PPP2R3B: variants seen among roughly 807,000 people sequenced by gnomAD.
PPP2R3B encodes the protein protein phosphatase 2 regulatory subunit B''beta, also known as serine/threonine-protein phosphatase 2A regulatory subunit B'' subunit beta.
Under a neutral mutation model 72.9 loss-of-function variants are expected in PPP2R3B, and 68 were observed. That is an observed-to-expected ratio of 0.93 (90% confidence interval 0.77 to 1.14). The LOEUF (loss-of-function observed/expected upper bound fraction) is 1.14, where lower values mean the gene tolerates loss of function less well. PPP2R3B is among the 50% of genes most tolerant of loss of function. PPP2R3B has a pLI of 0.00. For synonymous variants in PPP2R3B, 466 were observed against 375.8 expected, an observed-to-expected ratio of 1.24 and a Z score of -2.78; for missense variants, 1,018 against 842.0, an observed-to-expected ratio of 1.21 and a Z score of -2.59.
rs994676584 is a variant in PPP2R3B, at chrX:341,615, G to C, written c.1086-219C>G. 50 of 642,514 alleles carry C rather than the reference G, an allele frequency of 7.8e-5. No individual in the cohort carries two copies. In the African/African-American group the frequency reaches 8.4e-4, roughly 11 times the overall value. The allele number at this position is 642,514 out of a possible 1,614,324, so 39.8% of individuals were successfully genotyped here. A position where few individuals can be genotyped will look rare whatever the true frequency, so the allele number is the denominator to read the frequency against. ...CAGGCAGGGTCAGGAGTGCACCTTC[G>C]TTACTGCTCACTCAGGCCCAGCGCC... On this transcript the variant is annotated intron_variant, in intron 8 of 12. Transcript: ENST00000390665.
chrX:336,908 C>A (rs1046829265), intron 12 of PPP2R3B: 3 of 151,910 alleles, frequency 2.0e-5, no homozygotes, highest in Non-Finnish European at 4.4e-5. Context: ...GCAGCTGGGC[C>A]CACAGGGATC....
intron 1 of PPP2R3B, among the ~76,000 whole-genome samples, chrX:372,717 G>A (rs1481002898): frequency 1.3e-5 from 2 of 152,192 alleles, no homozygotes; most frequent in Non-Finnish European, 2.9e-5. Flanking sequence ...CCAGCACTTT[G>A]GAAGGCCCAG....
rs1026053759 is a variant in PPP2R3B at position 338,511 on chromosome X, T to A, written c.1577+93A>T. On this transcript the variant is annotated intron_variant, in intron 12 of 12. Coordinates refer to ENST00000390665, the MANE Select transcript of PPP2R3B (RefSeq NM_013239.5). ...CCTGACTGACCCCGCATCCCCCGGC[T>A]GCACACACACCCGTCCTCCCACTCA... 5.7e-6 allele frequency: 7 copies of A among 1,227,268 alleles called. No homozygotes were observed. In the African/African-American group the frequency reaches 1.2e-4, roughly 22 times the overall value. 76.0% of individuals were successfully genotyped at this position (1,227,268 alleles called of 1,614,324 possible).
At chrX:371,641 C>T (rs1031240957) in intron 1 of PPP2R3B, among the ~76,000 whole-genome samples, 17 of 152,084 alleles carry the variant, frequency 1.1e-4, no homozygotes, top group Admixed American at 5.9e-4. Flanking sequence ...CCGTGCTGCC[C>T]GGCCGGGAGC....
intron 8 of PPP2R3B, 106 bp from the exon 9 acceptor site, chrX:341,502 GGCCCTCCTCCT>G: frequency 9.1e-7 from 1 of 1,100,104 alleles, no homozygotes; most frequent in South Asian, 1.3e-5. Context: ...CCCCGGGCCC[GGCCCTCCTCCT>G]GCCCCCCTCC....
intron 1 of PPP2R3B, among the ~76,000 whole-genome samples, chrX:369,450 G>A (rs2071806722): frequency 6.6e-6 from 1 of 152,202 alleles, no homozygotes; most frequent in Admixed American, 6.5e-5. Context: ...AATTCCAGAA[G>A]TCACAGATAC....
rs2070967898 is a variant in PPP2R3B, at chrX:338,801, T to C, written c.1447A>G (p.Lys483Glu). 1 of 1,612,456 alleles carries C rather than the reference T, an allele frequency of 6.2e-7. No individual in the cohort carries two copies. The highest frequency in any genetic ancestry group is 1.1e-5 in the South Asian group (1 of 91,080). ...NIEKYLDHEQ[K>E]EQISLLRDGD... ...ACCCTGAGCAGGGAGATCTGCTCTT[T>C]CTGCTCGTGGTCGAGGTACTTCTCG... is the stretch of plus-strand genomic sequence containing the variant. Residue 483 changes from lysine to glutamate, a missense_variant, in exon 11 of 13, where the codon AAA (lysine) becomes GAA (glutamate). Physicochemically the swap from Lys to Glu is moderately conservative, Grantham distance 56. Coordinates refer to ENST00000390665, the MANE Select transcript of PPP2R3B (RefSeq NM_013239.5).
At chrX:367,500 C>T (rs1341257027) in intron 1 of PPP2R3B, among the ~76,000 whole-genome samples, 3 of 151,948 alleles carry the variant, frequency 2.0e-5, no homozygotes, top group African/African-American at 4.8e-5. Context: ...TGGCCTCCAG[C>T]GATTCTCCTG....
At chrX:349,631 G>A (rs1200437720) in intron 2 of PPP2R3B, among the ~76,000 whole-genome samples, 1 of 152,152 alleles carries the variant, frequency 6.6e-6, no homozygotes, top group African/African-American at 2.4e-5. Flanking sequence ...TACCAAATAC[G>A]GGAATTAATA....
At chrX:338,931 C>T (rs373408885) in intron 10 of PPP2R3B, 35 bp from the exon 11 acceptor site, 6 of 1,570,820 alleles carry the variant, frequency 3.8e-6, no homozygotes, top group Non-Finnish European at 5.3e-6. Context: ...GGCGCGTGAG[C>T]CCGGTCTCAC....
intron 12 of PPP2R3B, chrX:336,604 A>AC (rs1280470274): frequency 6.6e-6 from 1 of 152,272 alleles, no homozygotes; most frequent in Non-Finnish European, 1.5e-5. Context: ...CGAGAGACGG[A>AC]CCCACTGACA....
intron 1 of PPP2R3B, among the ~76,000 whole-genome samples, chrX:381,522 T>C (rs1362993717): frequency 6.6e-6 from 1 of 151,578 alleles, no homozygotes; most frequent in Admixed American, 6.6e-5. Context: ...GTTTGTAGCA[T>C]GGAACTGCAT....
At chrX:381,593 CTT>C (rs950950107) in intron 1 of PPP2R3B, among the ~76,000 whole-genome samples, 68 of 95,056 alleles carry the variant, frequency 7.2e-4, no homozygotes, top group South Asian at 3.2e-3. Flanking sequence ...ACAAGCTCAT[CTT>C]TTTTTTTTTT....
intron 7 of PPP2R3B, chrX:345,314 G>A (rs56157396): frequency 8.9e-5 from 69 of 779,044 alleles, no homozygotes; most frequent in Middle Eastern, 2.6e-4. Context: ...CTCGGGCAGA[G>A]GCGCACGCGG....
At chrX:337,397 ATG>A (rs2070919988) in intron 12 of PPP2R3B, 3 of 152,210 alleles carry the variant, frequency 2.0e-5, no homozygotes, top group Admixed American at 1.3e-4. Context: ...GCCTATTCTT[ATG>A]TGTTTTCATA....
chrX:353,494 A>G (rs1314657592), intron 2 of PPP2R3B, among the ~76,000 whole-genome samples: 2 of 152,230 alleles, frequency 1.3e-5, no homozygotes, highest in Non-Finnish European at 2.9e-5. Context: ...GAGTTCTACC[A>G]AACATTCAAA....
chrX:336,286 G>A (rs6645101), intron 12 of PPP2R3B: 50,785 of 152,074 alleles, frequency 0.33, 8,776 homozygotes, highest in African/African-American at 0.4. Flanking sequence ...AAAATGACTC[G>A]GTGTAACTCG....
At chrX:350,250 A>G (rs1271447786) in intron 2 of PPP2R3B, among the ~76,000 whole-genome samples, 1 of 152,212 alleles carries the variant, frequency 6.6e-6, no homozygotes, top group Admixed American at 6.5e-5. Context: ...ATACCAGGGG[A>G]TCCCAGCCCG....
chrX:379,324 C>A lies in PPP2R3B; in HGVS notation c.324+7044G>T, dbSNP rs182842847. Among the ~76,000 whole-genome samples the A allele has an allele frequency of 1.6e-3, 234 of 142,100 alleles. 2 individuals are homozygous for A. The highest frequency in any genetic ancestry group is 6.1e-3 in the African/African-American group (217 of 35,748). The allele number at this position is 142,100 out of a possible 152,430, so 93.2% of individuals were successfully genotyped here. ...GTATGGACCTATGTATGTGTGTATG[C>A]GTGTGTATGCACCTGTTATGCACCT... is the stretch of plus-strand genomic sequence containing the variant. On this transcript the variant is annotated intron_variant, in intron 1 of 12. Coordinates refer to ENST00000390665, the MANE Select transcript of PPP2R3B (RefSeq NM_013239.5).
Sources: gnomAD v4.1 joint callset for allele counts (sites outside exome capture counted in the v4.1 genomes callset) on GRCh38, gnomAD v4.1.1 for gene constraint, MANE v1.5 for transcripts, NCBI Gene and HGNC (gene_info 2026-07-23, HGNC 2026-07-21) for gene names.